The following IP6K3 variants were observed in gnomAD, a reference collection of about 807,000 sequenced individuals.
IP6K3 encodes ATP:1D-myo-inositol-hexakisphosphate phosphotransferase.
In IP6K3, 20 loss-of-function variants were observed where a neutral mutation model predicts 28.8. The observed-to-expected ratio is 0.70, with a 90% CI of 0.49 to 1.01. IP6K3 has a LOEUF of 1.01. Ranked by LOEUF, IP6K3 falls within the 50% of genes least tolerant of loss-of-function variation. IP6K3 has a pLI of 0.00. For missense variants in IP6K3, 480 were observed against 537.1 expected (o/e 0.89, Z 1.05); for synonymous variants, 213 against 221.3 (o/e 0.96, Z 0.33).
chr6:33,759,657 A>C, the IP6K3 span, among the ~76,000 whole-genome samples: 2 of 152,202 alleles, frequency 1.3e-5, no homozygotes, highest in African/African-American at 4.8e-5. Context: ...AGGTCAGGAG[A>C]TCGAGACCAT....
chr6:33,737,799 G>A (rs1766582528), intron 1 of IP6K3, among the ~76,000 whole-genome samples: 1 of 152,212 alleles, frequency 6.6e-6, no homozygotes, highest in Admixed American at 6.5e-5. Flanking sequence ...TCGGGTGGGA[G>A]GATGGAGGCC....
intron 4 of IP6K3, among the ~76,000 whole-genome samples, chr6:33,726,059 T>C (rs1766099275): frequency 2.0e-5 from 3 of 152,240 alleles, no homozygotes; most frequent in Admixed American, 6.5e-5. Flanking sequence ...GTGGAGTAAT[T>C]ATCCTGCAAA....
Position 33,722,661 on chromosome 6 carries a change from C to A in IP6K3, c.*59G>T. ...AGGGGTGTCTGGACTACCCTAGCAA[C>A]CAACAGGTCTCTATTTGAGATCTAT... On this transcript the variant is annotated 3_prime_UTR_variant, in exon 6 of 6. Coordinates refer to ENST00000293756, the MANE Select transcript of IP6K3 (RefSeq NM_054111.5). 1 of 1,226,000 alleles carries A rather than the reference C, an allele frequency of 8.2e-7. No individual in the cohort carries two copies. Among genetic ancestry groups the A allele is most frequent in the Non-Finnish European group, 1.2e-6 (1 of 859,750 alleles). The allele number at this position is 1,226,000 out of a possible 1,614,324, so 75.9% of individuals were successfully genotyped here. A position where few individuals can be genotyped will look rare whatever the true frequency, so the allele number is the denominator to read the frequency against.
Position 33,722,776 on chromosome 6 carries a change from T to A in IP6K3, c.1177A>T (p.Ile393Phe). Residue 393 changes from isoleucine to phenylalanine, a missense_variant, in exon 6 of 6, where the codon ATT becomes TTT. Coordinates refer to ENST00000293756, the MANE Select transcript of IP6K3 (RefSeq NM_054111.5). ...CTGATGAGGTTTTCCAGGCCAAAAA[T>A]ATAGCCAGGGTCTGGTCCATCGTAG... ...TTYDGPDPGY[I>F]FGLENLIRIL... is the part of the protein sequence containing the mutation. The A allele has an allele frequency of 6.2e-7, 1 of 1,613,826 alleles. No individual in the cohort carries two copies. The highest frequency in any genetic ancestry group is 2.2e-5 in the East Asian group (1 of 44,878).
intron 5 of IP6K3, 50 bp from the exon 6 acceptor site, chr6:33,723,237 A>G (rs770833454): frequency 6.4e-6 from 8 of 1,251,108 alleles, no homozygotes; most frequent in South Asian, 1.5e-5. Context: ...ACTTAAACAA[A>G]TTGTATCTGG....
At chr6:33,730,842 G>A (rs1766295812) in intron 2 of IP6K3, among the ~76,000 whole-genome samples, 2 of 152,198 alleles carry the variant, frequency 1.3e-5, no homozygotes, top group Admixed American at 1.3e-4. Flanking sequence ...GTGTTGTCAC[G>A]CTGTTTACCC....
At position 33,746,259 on chromosome 6, in the gene IP6K3, G is replaced by T. The variant is rs73743331; in HGVS notation, c.-180+499C>A. 0.11 allele frequency among the ~76,000 whole-genome samples: 16,441 copies of T among 152,150 alleles called. 1,148 individuals are homozygous for T. The highest frequency in any genetic ancestry group is 0.19 in the African/African-American group (8,030 of 41,466). ...TGTAGATGCTGATGTCATCCAGCCT[G>T]GTGCCGGCCTCCTGCCCCCTCCCGT... On this transcript the variant is annotated intron_variant, in intron 1 of 5. Coordinates refer to ENST00000293756, the MANE Select transcript of IP6K3 (RefSeq NM_054111.5). This position sits in a 1 kb window ranked among gnomAD's most constrained non-coding sequence, Gnocchi z 6.5.
intron 2 of IP6K3, among the ~76,000 whole-genome samples, chr6:33,728,553 CT>C (rs779754704): frequency 9.8e-5 from 15 of 152,338 alleles, no homozygotes; most frequent in Non-Finnish European, 1.9e-4. Flanking sequence ...CTTTATCGCA[CT>C]TCCCTGCCTC....
chr6:33,748,596 T>C (rs141492928), upstream of IP6K3, among the ~76,000 whole-genome samples: 1 of 129,480 alleles, frequency 7.7e-6, no homozygotes, highest in African/African-American at 2.9e-5. Flanking sequence ...CCATAATTGA[T>C]CATGCCACTG....
At chr6:33,760,054 A>G in the IP6K3 span, among the ~76,000 whole-genome samples, 1 of 152,244 alleles carries the variant, frequency 6.6e-6, no homozygotes, top group South Asian at 2.1e-4. Flanking sequence ...GCGGGAGGTC[A>G]GAGACAGATG....
chr6:33,747,589 T>C (rs979115282), upstream of IP6K3, among the ~76,000 whole-genome samples: 3 of 151,524 alleles, frequency 2.0e-5, no homozygotes, highest in Non-Finnish European at 4.4e-5. The surrounding 1 kb of genome is among the most constrained non-coding windows in gnomAD (Gnocchi z 5.2). Context: ...GGTCATTTGG[T>C]TGAGTGGGGG....
the IP6K3 span, among the ~76,000 whole-genome samples, chr6:33,755,445 G>C: frequency 2.6e-5 from 4 of 152,258 alleles, no homozygotes; most frequent in Non-Finnish European, 4.4e-5. Flanking sequence ...GGGCAGGGTT[G>C]GGAGGCTGGG....
the IP6K3 span, among the ~76,000 whole-genome samples, chr6:33,761,705 G>A: frequency 6.6e-6 from 1 of 152,142 alleles, no homozygotes; most frequent in African/African-American, 2.4e-5. Flanking sequence ...CTTCTCTCCA[G>A]GGCAGCCTTG....
chr6:33,747,933 G>GA (rs1766957876), upstream of IP6K3, among the ~76,000 whole-genome samples: 1 of 152,068 alleles, frequency 6.6e-6, no homozygotes, highest in Non-Finnish European at 1.5e-5. This position sits in a 1 kb window ranked among gnomAD's most constrained non-coding sequence, Gnocchi z 5.2. Flanking sequence ...AGATGTTCAG[G>GA]AATCAGGCTG....
At chr6:33,760,778 G>A in the IP6K3 span, among the ~76,000 whole-genome samples, 3 of 152,118 alleles carry the variant, frequency 2.0e-5, no homozygotes, top group South Asian at 2.1e-4. Context: ...TGCCCACCTC[G>A]GCCTCTCAAA....
chr6:33,723,213 T>A, intron 5 of IP6K3, 26 bp from the exon 6 acceptor site: 3 of 1,463,144 alleles, frequency 2.1e-6, no homozygotes, highest in Non-Finnish European at 2.8e-6. Flanking sequence ...ATAAAGAAAA[T>A]GTGAAGATTG....
intron 1 of IP6K3, among the ~76,000 whole-genome samples, chr6:33,736,662 T>C (rs1480410129): frequency 6.6e-6 from 1 of 152,140 alleles, no homozygotes; most frequent in African/African-American, 2.4e-5. Flanking sequence ...CTCCTTGGCC[T>C]CCCAAAGTGC....
chr6:33,742,951 T>C lies in IP6K3; in HGVS notation c.-180+3807A>G, dbSNP rs1284508577. Among the ~76,000 whole-genome samples the C allele has an allele frequency of 1.3e-5, 2 of 151,772 alleles. No homozygotes were observed. Among genetic ancestry groups the C allele is most frequent in the South Asian group, 4.2e-4 (2 of 4,814 alleles). ...TGGGGAGTGTGTGTACAGGGAGCAA[T>C]AGGGAAGGGCAAGGAGATGGTGGGA... On this transcript the variant is annotated intron_variant, in intron 1 of 5. Transcript: ENST00000293756. The surrounding 1 kb of genome is among the most constrained non-coding windows in gnomAD (Gnocchi z 4.5).
rs1301482686 is a variant in IP6K3, at chr6:33,738,324, G to A, written c.-179-2669C>T. On this transcript the variant is annotated intron_variant, in intron 1 of 5. Transcript: ENST00000293756. ...GATGCCAGCCCAGCTCCACAGCCGC[G>A]TCCCAGCCAAATCACACCTGGGCCT... Among the ~76,000 whole-genome samples the A allele has an allele frequency of 3.3e-5, 5 of 152,194 alleles. No individual in the cohort carries two copies. The South Asian group carries it at 6.2e-4, about 19-fold the overall frequency.
Sources: allele counts gnomAD v4.1 joint callset (sites outside exome capture counted in the v4.1 genomes callset), GRCh38; gene constraint gnomAD v4.1.1; non-coding constraint Gnocchi (gnomAD v3.1); transcripts MANE v1.5; gene names NCBI Gene and HGNC (gene_info 2026-07-23, HGNC 2026-07-21).